Variants in CALN1 observed in about 807,000 individuals in gnomAD.
The protein encoded by CALN1 is calneuron 1, also known as calcium-binding protein 8.
Under a neutral mutation model 30.6 loss-of-function variants are expected in CALN1, and 17 were observed. The observed-to-expected ratio is 0.56, with a 90% confidence interval of 0.38 to 0.83. The LOEUF is 0.83. Ranked by LOEUF, CALN1 falls within the 40% of genes least tolerant of loss-of-function variation. The probability of loss-of-function intolerance (pLI) is 0.00; values close to 1 mark genes in which losing one functional copy is unlikely to be tolerated. For missense variants in CALN1, 291 were observed against 354.9 expected, an observed-to-expected ratio of 0.82 and a Z score of 1.45; for synonymous variants, 156 against 131.4, an observed-to-expected ratio of 1.19 and a Z score of -1.28.
chr7:72,389,431 A>G (rs371610822), intron 2 of CALN1, among the ~76,000 whole-genome samples: 11 of 152,316 alleles, frequency 7.2e-5, no homozygotes, highest in South Asian at 4.1e-4. Flanking sequence ...TTAAGCCTTA[A>G]AAGTGTCAGA....
chr7:72,214,169 C>T (rs1317326429), intron 3 of CALN1, among the ~76,000 whole-genome samples: 2 of 152,196 alleles, frequency 1.3e-5, no homozygotes, highest in Non-Finnish European at 2.9e-5. Flanking sequence ...AGTTAATGTG[C>T]TACCTTCTTT....
intron 2 of CALN1, among the ~76,000 whole-genome samples, chr7:72,345,805 T>C (rs1802613443): frequency 6.6e-6 from 1 of 152,184 alleles, no homozygotes; most frequent in South Asian, 2.1e-4. Context: ...TAGCCAAAAA[T>C]GATCTTTACG....
intron 4 of CALN1, among the ~76,000 whole-genome samples, chr7:72,034,034 C>T (rs904821011): frequency 6.4e-4 from 97 of 151,980 alleles, no homozygotes; most frequent in African/African-American, 2.2e-3. Context: ...GTCTGGTTTG[C>T]GACACCAAAG....
chr7:72,397,710 T>TCACACACA (rs1286894513), intron 2 of CALN1, among the ~76,000 whole-genome samples: 148 of 57,330 alleles, frequency 2.6e-3, no homozygotes, highest in Admixed American at 3.8e-3. Context: ...GCACCCATTC[T>TCACACACA]CTCTCACACA....
At position 72,003,192 on chromosome 7, in the gene CALN1, C is replaced by T. The variant is rs529090564; in HGVS notation, c.501+20465G>A. 5.3e-5 allele frequency among the ~76,000 whole-genome samples: 8 copies of T among 152,114 alleles called. No homozygotes were observed. In the East Asian group the frequency reaches 1.4e-3, roughly 26 times the overall value. ...GAAAAATTAATCCTATTAATTAACACAAAAAATCACATTTCTATTTACTAA... is the reference window on the plus strand; with the variant it reads ...GAAAAATTAATCCTATTAATTAACATAAAAAATCACATTTCTATTTACTAA... On this transcript the variant is annotated intron_variant, in intron 5 of 6. Transcript: ENST00000395275.
intron 1 of CALN1, among the ~76,000 whole-genome samples, chr7:72,407,183 G>A (rs764024368): frequency 6.6e-6 from 1 of 152,196 alleles, no homozygotes; most frequent in Non-Finnish European, 1.5e-5. Flanking sequence ...AATCCTGGCT[G>A]TGCCACTTAG....
intron 2 of CALN1, among the ~76,000 whole-genome samples, chr7:72,291,894 G>C (rs377671474): frequency 2.0e-5 from 3 of 152,014 alleles, no homozygotes; most frequent in East Asian, 3.9e-4. Context: ...TTACAGACAT[G>C]AGCCACCGAG....
intron 1 of CALN1, among the ~76,000 whole-genome samples, chr7:72,409,473 G>A (rs1250127911): frequency 2.1e-5 from 3 of 145,874 alleles, no homozygotes; most frequent in Admixed American, 6.8e-5. Flanking sequence ...AGCCTCTGAG[G>A]AAGGAGGCAT....
At chr7:72,216,517 G>A (rs544156501) in intron 3 of CALN1, among the ~76,000 whole-genome samples, 1 of 152,118 alleles carries the variant, frequency 6.6e-6, no homozygotes, top group East Asian at 1.9e-4. Flanking sequence ...ATCATAGGGT[G>A]CATCCCAAGC....
At chr7:71,849,336 T>C (rs1161446380) in intron 5 of CALN1, among the ~76,000 whole-genome samples, 1 of 152,178 alleles carries the variant, frequency 6.6e-6, no homozygotes, top group Non-Finnish European at 1.5e-5. Flanking sequence ...GTCCATTCCA[T>C]TGATCTAGAC....
intron 4 of CALN1, among the ~76,000 whole-genome samples, chr7:72,056,553 T>A (rs1172772746): frequency 6.6e-6 from 1 of 152,010 alleles, no homozygotes; most frequent in Non-Finnish European, 1.5e-5. Flanking sequence ...GGATAAAAAA[T>A]TAGAGAAATA....
chr7:71,897,220 T>C (rs1391426012), intron 5 of CALN1, among the ~76,000 whole-genome samples: 1 of 152,200 alleles, frequency 6.6e-6, no homozygotes, highest in Non-Finnish European at 1.5e-5. Flanking sequence ...AGATTCGCAT[T>C]TAATTTTGGT....
chr7:72,432,316 C>G (rs894121382), intron 1 of CALN1, among the ~76,000 whole-genome samples: 2 of 152,194 alleles, frequency 1.3e-5, no homozygotes, highest in South Asian at 2.1e-4. Context: ...CCATGTGGAA[C>G]TTTGAGTCCA....
chr7:72,420,621 C>CTTTTT (rs1162542514), intron 1 of CALN1, among the ~76,000 whole-genome samples: 1 of 131,320 alleles, frequency 7.6e-6, no homozygotes. Flanking sequence ...CTGGATGCAT[C>CTTTTT]TTTTTTTTTT....
At chr7:71,988,616 T>C (rs950267607) in intron 5 of CALN1, among the ~76,000 whole-genome samples, 1 of 152,194 alleles carries the variant, frequency 6.6e-6, no homozygotes, top group African/African-American at 2.4e-5. Context: ...TTAATTTATT[T>C]CTGTGTGTAT....
chr7:72,417,412 G>A (rs1807457621), intron 1 of CALN1, among the ~76,000 whole-genome samples: 1 of 152,302 alleles, frequency 6.6e-6, no homozygotes, highest in Non-Finnish European at 1.5e-5. Context: ...GCCAGGGTGG[G>A]AGGAAGTAAA....
intron 4 of CALN1, among the ~76,000 whole-genome samples, chr7:72,063,960 T>C (rs764771119): frequency 4.3e-4 from 66 of 152,204 alleles, no homozygotes; most frequent in Admixed American, 1.0e-3. Context: ...ATATGCCTTC[T>C]TGTAATAGCA....
chr7:72,401,037 C>T (rs1372284593), intron 2 of CALN1, among the ~76,000 whole-genome samples: 1 of 152,148 alleles, frequency 6.6e-6, no homozygotes. Context: ...TTTGAGCATG[C>T]TTTGGGGTGA....
chr7:72,338,470 A>T lies in CALN1; in HGVS notation c.120-59660T>A, dbSNP rs111987062. Among the ~76,000 whole-genome samples the T allele has an allele frequency of 7.4e-3, 550 of 74,798 alleles. 4 individuals carry two copies. The highest frequency in any genetic ancestry group is 0.013 in the African/African-American group (310 of 24,066). The allele number at this position is 74,798 out of a possible 152,430, so 49.1% of individuals were successfully genotyped here. ...GGGCGTTTTTGTCAGCCAGCAGCAC[A>T]GTGTGTGTGTGTGTGTGTGTGTGTG... On this transcript the variant is annotated intron_variant, in intron 2 of 6. Transcript: ENST00000395275.
Sources: allele counts gnomAD v4.1 joint callset (sites outside exome capture counted in the v4.1 genomes callset), GRCh38; gene constraint gnomAD v4.1.1; transcripts MANE v1.5; gene names NCBI Gene and HGNC (gene_info 2026-07-23, HGNC 2026-07-21).